UMAD1: variants seen among roughly 807,000 people sequenced by gnomAD.
UMAD1 encodes the protein UBAP1-MVB12-associated (UMA) domain containing 1.
Under a neutral mutation model 6.1 loss-of-function variants are expected in UMAD1, and 8 were observed. That is an observed-to-expected ratio of 1.30 (90% CI 0.76 to 2.35). The LOEUF is 2.35. UMAD1 is among the 30% of genes most tolerant of loss of function. The probability of loss-of-function intolerance (pLI) is 0.00; values close to 1 mark genes in which losing one functional copy is unlikely to be tolerated. For synonymous variants in UMAD1, 56 were observed against 31.4 expected, an observed-to-expected ratio of 1.78 and a Z score of -2.61; for missense variants, 130 against 78.4, an observed-to-expected ratio of 1.66 and a Z score of -2.49.
chr7:7,804,401 G>A (rs1782865194), intron 3 of UMAD1, among the ~76,000 whole-genome samples: 1 of 152,212 alleles, frequency 6.6e-6, no homozygotes, highest in Non-Finnish European at 1.5e-5. Context: ...GACTGGGCGT[G>A]GTGGCTCACA....
intron 2 of UMAD1, among the ~76,000 whole-genome samples, chr7:7,774,068 T>G (rs1782153603): frequency 6.6e-6 from 1 of 152,154 alleles, no homozygotes; most frequent in African/African-American, 2.4e-5. Context: ...GGCTGCAGCT[T>G]GATAGCTGGT....
At chr7:7,742,366 A>G (rs546397235) in intron 2 of UMAD1, 24 of 597,094 alleles carry the variant, frequency 4.0e-5, no homozygotes, top group South Asian at 3.1e-4. Flanking sequence ...CGCTCTTCCG[A>G]GGATATCTGG....
chr7:7,815,383 C>G (rs781368937), intron 3 of UMAD1, among the ~76,000 whole-genome samples: 5 of 151,774 alleles, frequency 3.3e-5, no homozygotes, highest in Non-Finnish European at 7.4e-5. Flanking sequence ...TGGTTAATGC[C>G]TTAAAAATCA....
At chr7:7,788,204 T>G (rs529646664) in intron 2 of UMAD1, among the ~76,000 whole-genome samples, 28 of 152,174 alleles carry the variant, frequency 1.8e-4, no homozygotes, top group Non-Finnish European at 2.4e-4. Context: ...TGTGAAGTGG[T>G]TTGGAGAAGA....
chr7:7,689,572 C>T (rs976092900), intron 2 of UMAD1: 2 of 152,150 alleles, frequency 1.3e-5, no homozygotes, highest in African/African-American at 2.4e-5. Flanking sequence ...ATAATGCTAT[C>T]TCCCTGGATA....
chr7:7,692,326 CT>C (rs1353192181), intron 2 of UMAD1: 1 of 152,070 alleles, frequency 6.6e-6, no homozygotes, highest in Non-Finnish European at 1.5e-5. Context: ...AGAATTATAA[CT>C]TTTTTCTTGT....
At chr7:7,809,773 G>T (rs148042440) in intron 3 of UMAD1, among the ~76,000 whole-genome samples, 29 of 152,052 alleles carry the variant, frequency 1.9e-4, no homozygotes, top group African/African-American at 7.0e-4. Flanking sequence ...AATAAAACAT[G>T]TTCACTCTTC....
intron 3 of UMAD1, among the ~76,000 whole-genome samples, chr7:7,847,419 T>G (rs1783824681): frequency 6.6e-6 from 1 of 151,854 alleles, no homozygotes; most frequent in South Asian, 2.1e-4. Context: ...ACATGCTCAG[T>G]TACCCTGGCT....
In UMAD1 at chr7:7,695,858, A is replaced by G. The variant is rs1448181744; in HGVS notation, c.82+22405A>G. ...TTATAAGTTAAGCAGCAGTGTGCAC[A>G]CTACATCTTATGCACTAATGGTTGG... On this transcript the variant is annotated intron_variant, in intron 2 of 3. Coordinates refer to ENST00000682710, the MANE Select transcript of UMAD1 (RefSeq NM_001302348.2). Among the ~76,000 whole-genome samples, 6 of 152,294 alleles carry G rather than the reference A, an allele frequency of 3.9e-5. No individual in the cohort carries two copies. The East Asian group carries it at 1.2e-3, about 29-fold the overall frequency.
At chr7:7,729,547 T>C (rs1216603029) in intron 2 of UMAD1, among the ~76,000 whole-genome samples, 1 of 152,234 alleles carries the variant, frequency 6.6e-6, no homozygotes, top group African/African-American at 2.4e-5. Flanking sequence ...TTGATAAGGC[T>C]GCCATCTTCT....
chr7:7,726,822 A>C (rs1781147446), intron 2 of UMAD1, among the ~76,000 whole-genome samples: 1 of 152,164 alleles, frequency 6.6e-6, no homozygotes, highest in Non-Finnish European at 1.5e-5. Flanking sequence ...TCAACAGTCT[A>C]AGGAGGGAGA....
At chr7:7,742,039 A>G (rs1451907858) in intron 2 of UMAD1, 14 of 495,954 alleles carry the variant, frequency 2.8e-5, no homozygotes, top group South Asian at 2.4e-4. Flanking sequence ...AGACAGTTCC[A>G]TTGTACAGCA....
chr7:7,801,149 T>A (rs182959096), intron 2 of UMAD1, among the ~76,000 whole-genome samples: 204 of 152,338 alleles, frequency 1.3e-3, no homozygotes, highest in African/African-American at 4.6e-3. Context: ...AAGTATTAAG[T>A]GAAGGCTAGT....
chr7:7,722,255 T>C (rs952082066), intron 2 of UMAD1, among the ~76,000 whole-genome samples: 3 of 151,520 alleles, frequency 2.0e-5, no homozygotes, highest in African/African-American at 7.3e-5. Flanking sequence ...CTGACTAATA[T>C]AGATTTTGGT....
chr7:7,863,897 C>T (rs1392771613), intron 3 of UMAD1, among the ~76,000 whole-genome samples: 1 of 152,186 alleles, frequency 6.6e-6, no homozygotes, highest in Non-Finnish European at 1.5e-5. Context: ...GAGACTCTCC[C>T]TGGGCCTTAG....
At chr7:7,747,900 T>A (rs903898124) in intron 2 of UMAD1, among the ~76,000 whole-genome samples, 3 of 152,212 alleles carry the variant, frequency 2.0e-5, no homozygotes, top group African/African-American at 7.2e-5. Context: ...GATGTGCCAT[T>A]TCTGAGCCAA....
At chr7:7,766,605 C>G (rs921000922) in intron 2 of UMAD1, among the ~76,000 whole-genome samples, 3 of 152,206 alleles carry the variant, frequency 2.0e-5, no homozygotes, top group Non-Finnish European at 4.4e-5. Flanking sequence ...AGGCAATCTA[C>G]AGTTTCTCCA....
At chr7:7,752,340 T>C (rs944407158) in intron 2 of UMAD1, among the ~76,000 whole-genome samples, 1 of 152,160 alleles carries the variant, frequency 6.6e-6, no homozygotes, top group African/African-American at 2.4e-5. Flanking sequence ...GGGGAAACAC[T>C]TAAGTTTCTC....
intron 3 of UMAD1, among the ~76,000 whole-genome samples, chr7:7,846,745 A>G (rs1783790200): frequency 6.6e-6 from 1 of 151,994 alleles, no homozygotes; most frequent in Non-Finnish European, 1.5e-5. Context: ...ATATTTTAAC[A>G]TGGAAGTATG....
Sources: gnomAD v4.1 joint callset for allele counts (sites outside exome capture counted in the v4.1 genomes callset) on GRCh38, gnomAD v4.1.1 for gene constraint, MANE v1.5 for transcripts, NCBI Gene and HGNC (gene_info 2026-07-23, HGNC 2026-07-21) for gene names.